Variants in RARB observed in about 807,000 individuals in gnomAD.
RARB encodes the protein retinoic acid receptor beta.
In RARB, 17 loss-of-function variants were observed where a neutral mutation model predicts 51.9. That is an observed-to-expected ratio of 0.33 (90% CI 0.22 to 0.49). The LOEUF is 0.49. RARB is among the 20% of genes least tolerant of loss of function. The probability of loss-of-function intolerance (pLI) is 0.99; values close to 1 mark genes in which losing one functional copy is unlikely to be tolerated. For missense variants in RARB, 369 were observed against 550.8 expected, an observed-to-expected ratio of 0.67 and a Z score of 3.30; for synonymous variants, 215 against 195.4, an observed-to-expected ratio of 1.10 and a Z score of -0.84.
intron 2 of RARB, among the ~76,000 whole-genome samples, chr3:24,881,396 C>G (rs779090023): frequency 6.6e-6 from 1 of 152,074 alleles, no homozygotes; most frequent in Non-Finnish European, 1.5e-5. Flanking sequence ...AGTCCAAGAT[C>G]TGGTACATAG....
intron 2 of RARB, among the ~76,000 whole-genome samples, chr3:24,979,852 C>T (rs1464057887): frequency 2.0e-5 from 3 of 152,124 alleles, no homozygotes; most frequent in Non-Finnish European, 2.9e-5. Flanking sequence ...TTAATTGATG[C>T]AGTTTCTTCA....
chr3:25,506,519 G>A (rs1487519278), intron 3 of RARB, among the ~76,000 whole-genome samples: 1 of 152,026 alleles, frequency 6.6e-6, no homozygotes, highest in Admixed American at 6.6e-5. Context: ...GGGAGGCTGA[G>A]GAAGGAGGAT....
chr3:25,201,705 T>C (rs1701394791), intron 5 of RARB, among the ~76,000 whole-genome samples: 1 of 152,214 alleles, frequency 6.6e-6, no homozygotes, highest in South Asian at 2.1e-4. Flanking sequence ...GTTTTTGTCG[T>C]TGGTTCTGTT....
intron 5 of RARB, among the ~76,000 whole-genome samples, chr3:25,302,191 G>T (rs1014293054): frequency 2.6e-5 from 4 of 152,212 alleles, no homozygotes; most frequent in African/African-American, 9.6e-5. Flanking sequence ...ATTATAAAAT[G>T]CTGCAATAGC....
At chr3:25,420,990 C>CAAAAAAAAA (rs376170107) in intron 5 of RARB, among the ~76,000 whole-genome samples, 3 of 62,438 alleles carry the variant, frequency 4.8e-5, no homozygotes, top group African/African-American at 1.2e-4. Flanking sequence ...ACCACTTATG[C>CAAAAAAAAA]CAAAAAAAAA....
chr3:25,485,297 G>C (rs936672152), intron 2 of RARB, among the ~76,000 whole-genome samples: 22 of 152,134 alleles, frequency 1.4e-4, no homozygotes, highest in Non-Finnish European at 3.2e-4. Flanking sequence ...TCAACTTGGG[G>C]CACTCATTAT....
intron 3 of RARB, among the ~76,000 whole-genome samples, chr3:25,540,819 G>A (rs1350703250): frequency 6.6e-6 from 1 of 152,202 alleles, no homozygotes; most frequent in Admixed American, 6.5e-5. Flanking sequence ...AGATTAAAGA[G>A]AAGGAAGAAA....
chr3:24,963,480 C>T (rs1050907174), intron 2 of RARB, among the ~76,000 whole-genome samples: 1 of 148,556 alleles, frequency 6.7e-6, no homozygotes, highest in Non-Finnish European at 1.5e-5. Context: ...TGGTCTTACT[C>T]TCGCCTCCCC....
At chr3:24,967,518 C>T (rs1009659509) in intron 2 of RARB, among the ~76,000 whole-genome samples, 6 of 152,044 alleles carry the variant, frequency 3.9e-5, no homozygotes, top group East Asian at 1.9e-4. Flanking sequence ...AGTGTTTCTC[C>T]GACATGCATG....
intron 5 of RARB, among the ~76,000 whole-genome samples, chr3:25,305,786 G>C (rs897468702): frequency 6.6e-6 from 1 of 152,150 alleles, no homozygotes; most frequent in African/African-American, 2.4e-5. Context: ...TCACACAGTG[G>C]TATAAAAAAT....
intron 2 of RARB, among the ~76,000 whole-genome samples, chr3:25,035,631 C>T (rs373960042): frequency 2.0e-5 from 3 of 152,122 alleles, no homozygotes; most frequent in Non-Finnish European, 2.9e-5. Context: ...TGTGTCTGTA[C>T]AGCAGCCAGC....
At chr3:25,556,722 T>G (rs1322215161) in intron 3 of RARB, among the ~76,000 whole-genome samples, 1 of 152,150 alleles carries the variant, frequency 6.6e-6, no homozygotes, top group African/African-American at 2.4e-5. Context: ...ATGTATGTCA[T>G]GCACTTAGCA....
intron 2 of RARB, among the ~76,000 whole-genome samples, chr3:24,945,797 C>G (rs1695760582): frequency 6.6e-6 from 1 of 152,216 alleles, no homozygotes; most frequent in African/African-American, 2.4e-5. Context: ...GGCATTACTT[C>G]TCTCTAAAGT....
chr3:25,198,603 C>G (rs1309126761), intron 5 of RARB, among the ~76,000 whole-genome samples: 2 of 151,444 alleles, frequency 1.3e-5, no homozygotes, highest in Non-Finnish European at 3.0e-5. Context: ...AGGAGAAACT[C>G]TAATCTGATT....
intron 3 of RARB, among the ~76,000 whole-genome samples, chr3:25,126,984 G>A (rs974717181): frequency 4.6e-5 from 7 of 152,012 alleles, no homozygotes; most frequent in African/African-American, 1.7e-4. Flanking sequence ...TTCAATGCAA[G>A]TTCTATCAAA....
chr3:24,925,075 C>T (rs1695289031), intron 2 of RARB, among the ~76,000 whole-genome samples: 1 of 152,088 alleles, frequency 6.6e-6, no homozygotes, highest in Non-Finnish European at 1.5e-5. Flanking sequence ...CAAATCTTGG[C>T]ATTCTCATTT....
chr3:25,579,590 T>C (rs1425978280), intron 4 of RARB, among the ~76,000 whole-genome samples: 1 of 152,256 alleles, frequency 6.6e-6, no homozygotes, highest in Admixed American at 6.5e-5. Flanking sequence ...AAAGTTGTAA[T>C]CACAATTTAT....
chr3:25,513,696 A>G (rs1366123636), intron 3 of RARB, among the ~76,000 whole-genome samples: 1 of 151,980 alleles, frequency 6.6e-6, no homozygotes, highest in Non-Finnish European at 1.5e-5. Flanking sequence ...ATTTCATCAA[A>G]TCGATCATTT....
intron 5 of RARB, among the ~76,000 whole-genome samples, chr3:25,322,559 T>A (rs896826449): frequency 2.0e-5 from 3 of 152,188 alleles, no homozygotes; most frequent in Non-Finnish European, 2.9e-5. Flanking sequence ...CTAATACTTA[T>A]GTGCTCTGGA....
Sources: gnomAD v4.1 joint callset for allele counts (sites outside exome capture counted in the v4.1 genomes callset) on GRCh38, gnomAD v4.1.1 for gene constraint, MANE v1.5 for transcripts, NCBI Gene and HGNC (gene_info 2026-07-23, HGNC 2026-07-21) for gene names.